The following PUS7L variants were observed in gnomAD, a reference collection of about 807,000 sequenced individuals.
PUS7L encodes the protein pseudouridylate synthase PUS7L.
In PUS7L, 49 loss-of-function variants were observed where a neutral mutation model predicts 51.1. The observed-to-expected ratio is 0.96, with a 90% confidence interval of 0.76 to 1.22. The LOEUF (loss-of-function observed/expected upper bound fraction) is 1.22. Among genes scored for constraint, PUS7L ranks in the 50% most tolerant of loss-of-function variants. The probability of loss-of-function intolerance (pLI) is 0.00; values close to 1 mark genes in which losing one functional copy is unlikely to be tolerated. For synonymous variants in PUS7L, 277 were observed against 276.2 expected (o/e 1.00, Z -0.03); for missense variants, 828 against 820.6 (o/e 1.01, Z -0.11).
intron 2 of PUS7L, among the ~76,000 whole-genome samples, chr12:43,753,508 T>G (rs1938552166): frequency 6.6e-6 from 1 of 152,200 alleles, no homozygotes; most frequent in South Asian, 2.1e-4. Flanking sequence ...TGTGTCACTG[T>G]GCAAATTTAG....
chr12:43,750,688 G>C (rs1466840102), intron 2 of PUS7L, among the ~76,000 whole-genome samples: 1 of 152,132 alleles, frequency 6.6e-6, no homozygotes. Context: ...CATCTTTAGA[G>C]ACTGGCAAAT....
At chr12:43,743,837 A>G (rs1938032105) in intron 4 of PUS7L, among the ~76,000 whole-genome samples, 1 of 152,236 alleles carries the variant, frequency 6.6e-6, no homozygotes, top group African/African-American at 2.4e-5. Flanking sequence ...TAGTTATTTC[A>G]AATTTGAAAA....
At chr12:43,737,594 A>G (rs1199046374) in intron 6 of PUS7L, among the ~76,000 whole-genome samples, 2 of 150,604 alleles carry the variant, frequency 1.3e-5, no homozygotes, top group African/African-American at 4.9e-5. Flanking sequence ...TATTATAAAT[A>G]ATATTATTTA....
chr12:43,738,594 T>A (rs1326204865), intron 5 of PUS7L, among the ~76,000 whole-genome samples: 1 of 152,190 alleles, frequency 6.6e-6, no homozygotes, highest in Non-Finnish European at 1.5e-5. Flanking sequence ...TAATTTTATA[T>A]ATAGGTTTAA....
At chr12:43,758,527 C>G in intron 1 of PUS7L, 4 of 985,616 alleles carry the variant, frequency 4.1e-6, no homozygotes, top group Non-Finnish European at 4.8e-6. Context: ...AAGGTGTCCC[C>G]GACAAGGCCA....
chr12:43,753,010 C>G (rs1592182519), intron 2 of PUS7L, among the ~76,000 whole-genome samples: 1 of 148,252 alleles, frequency 6.7e-6, no homozygotes, highest in Non-Finnish European at 1.5e-5. Context: ...ATATAAAGTT[C>G]TATAATTTTT....
rs983531219 is a variant in PUS7L at position 43,724,423 on chromosome 12, T to C, written c.*5953A>G. ...TTTATCAGGGAGCATAGTAAAGTAA[T>C]ACTAACTGTAATAATACTAGCTGAA... is the stretch of plus-strand genomic sequence containing the variant. On this transcript the variant is annotated 3_prime_UTR_variant, in exon 9 of 9. Coordinates refer to ENST00000344862, the MANE Select transcript of PUS7L (RefSeq NM_031292.5). 1.3e-5 allele frequency: 2 copies of C among 152,054 alleles called. No homozygotes were observed. Among genetic ancestry groups the C allele is most frequent in the Non-Finnish European group, 2.9e-5 (2 of 67,946 alleles). 9.4% of individuals were successfully genotyped at this position (152,054 alleles called of 1,614,324 possible). A position where few individuals can be genotyped will look rare whatever the true frequency, so the allele number is the denominator to read the frequency against.
At chr12:43,734,111 G>A (rs958219838) in intron 7 of PUS7L, among the ~76,000 whole-genome samples, 3 of 152,188 alleles carry the variant, frequency 2.0e-5, no homozygotes, top group Admixed American at 1.3e-4. Context: ...CAGGAATGCA[G>A]GTTTAGTCAA....
intron 8 of PUS7L, among the ~76,000 whole-genome samples, chr12:43,731,291 T>C (rs948434239): frequency 6.6e-6 from 1 of 152,124 alleles, no homozygotes; most frequent in African/African-American, 2.4e-5. Context: ...ATATACACAA[T>C]ATGAATGAAT....
intron 3 of PUS7L, among the ~76,000 whole-genome samples, chr12:43,748,232 GTACTT>G (rs555617208): frequency 7.2e-5 from 11 of 152,070 alleles, no homozygotes; most frequent in Non-Finnish European, 1.3e-4. Context: ...CTAAATTTGA[GTACTT>G]TACATTCTAT....
Position 43,722,851 on chromosome 12 carries a change from G to A in PUS7L, c.*7525C>T, listed in dbSNP as rs1382040896. The A allele has an allele frequency of 5.9e-5, 9 of 152,052 alleles. No homozygotes were observed. The allele number at this position is 152,052 out of a possible 1,614,324, so 9.4% of individuals were successfully genotyped here. A position where few individuals can be genotyped will look rare whatever the true frequency, so the allele number is the denominator to read the frequency against. ...CCAGTAAGGCTTATTAGAAAAGGGA[G>A]GCTTGGTATAAAAGCATAAAGAATT... On this transcript the variant is annotated 3_prime_UTR_variant, in exon 9 of 9. Coordinates refer to ENST00000344862, the MANE Select transcript of PUS7L (RefSeq NM_031292.5).
rs768859249 is a variant in PUS7L, at chr12:43,746,055, T to A, written c.1254A>T (p.Glu418Asp). Reference sequence around the variant, plus strand: ...AATTAAGTTTTCTTACCTTAACATTTTCTATTGCTTCCATAATTCTCTCCC... The same window carrying A: ...AATTAAGTTTTCTTACCTTAACATTATCTATTGCTTCCATAATTCTCTCCC... The part of the protein sequence containing the change: ...NLRERIMEAI[E>D]NVKKKGFVNY... Residue 418 changes from glutamate (E) to aspartate (D), a missense_variant, in exon 4 of 9, where the codon GAA becomes GAT. Physicochemically the swap from Glu to Asp is conservative, Grantham distance 45. Transcript: ENST00000344862. 1 of 1,480,860 alleles carries A rather than the reference T, an allele frequency of 6.8e-7. No homozygotes were observed. Among genetic ancestry groups the A allele is most frequent in the African/African-American group, 1.4e-5 (1 of 70,998 alleles). The allele number at this position is 1,480,860 out of a possible 1,614,324, so 91.7% of individuals were successfully genotyped here. A position where few individuals can be genotyped will look rare whatever the true frequency, so the allele number is the denominator to read the frequency against.
chr12:43,758,105 G>A (rs191090872), intron 1 of PUS7L, among the ~76,000 whole-genome samples: 1 of 152,220 alleles, frequency 6.6e-6, no homozygotes, highest in Non-Finnish European at 1.5e-5. Flanking sequence ...AACAGTTAGA[G>A]GAGTTCAAAA....
rs370536301 is a variant in PUS7L, at chr12:43,737,462, T to C, written c.1445-801A>G. Among the ~76,000 whole-genome samples the C allele has an allele frequency of 5.9e-5, 9 of 151,918 alleles. No individual in the cohort carries two copies. The East Asian group carries it at 7.7e-4, about 13-fold the overall frequency. ...CATAATTAAAAATAATAAATAAATA[T>C]TTGAAAACTGACATCCTTTATTTCA... On this transcript the variant is annotated intron_variant, in intron 6 of 8. Transcript: ENST00000344862.
rs751043583 is a variant in PUS7L at position 43,719,998 on chromosome 12, G to A, written c.*10378C>T. ...TCTTTCTTTTGATGTTCTACTTGAT[G>A]TCATTTTCCTAACTTCTTTAGATGG... On this transcript the variant is annotated 3_prime_UTR_variant, in exon 9 of 9. Transcript: ENST00000344862. The A allele has an allele frequency of 8.6e-5, 13 of 151,974 alleles. No individual in the cohort carries two copies. The highest frequency in any genetic ancestry group is 1.8e-4 in the Non-Finnish European group (12 of 67,996). 9.4% of individuals were successfully genotyped at this position (151,974 alleles called of 1,614,324 possible). A position where few individuals can be genotyped will look rare whatever the true frequency, so the allele number is the denominator to read the frequency against.
chr12:43,744,335 G>A (rs1320070045), intron 4 of PUS7L, among the ~76,000 whole-genome samples: 2 of 152,164 alleles, frequency 1.3e-5, no homozygotes, highest in Non-Finnish European at 2.9e-5. Context: ...GAATTATGGG[G>A]TCGGTTTTAC....
In PUS7L at chr12:43,748,609, G is replaced by C. The variant is rs747022117; in HGVS notation, c.911C>G (p.Ala304Gly). The C allele has an allele frequency of 6.4e-7, 1 of 1,570,200 alleles. No homozygotes were observed. The highest frequency in any genetic ancestry group is 8.6e-7 in the Non-Finnish European group (1 of 1,167,380). Residue 304 changes from alanine to glycine, a missense_variant and splice_region_variant, in exon 3 of 9, where the codon GCT becomes GGT. Ala to Gly is a moderately conservative substitution (Grantham distance 60). Transcript: ENST00000344862. ...CAGGTTTTCCTTTCGTAGGGTAAAA[G>C]CTGAAACAAAAAAAAAACTTAGATC... ...ECQEGKVIYT[A>G]FTLRKENLEM...
At chr12:43,740,819 T>A (rs572065445) in intron 5 of PUS7L, 1 of 152,342 alleles carries the variant, frequency 6.6e-6, no homozygotes, top group African/African-American at 2.4e-5. Context: ...CTTTGCATCC[T>A]TGGACTTATC....
At chr12:43,738,943 A>G in intron 5 of PUS7L, 1 of 172,860 alleles carries the variant, frequency 5.8e-6, no homozygotes, top group Non-Finnish European at 1.3e-5. Context: ...TAATATTTAA[A>G]TAGATGTGTT....
Sources: gnomAD v4.1 joint callset for allele counts (sites outside exome capture counted in the v4.1 genomes callset) on GRCh38, gnomAD v4.1.1 for gene constraint, MANE v1.5 for transcripts, NCBI Gene and HGNC (gene_info 2026-07-23, HGNC 2026-07-21) for gene names.